WHRN: variants seen among roughly 807,000 people sequenced by gnomAD.
WHRN encodes CASK-interacting protein CIP98.
Under a neutral mutation model 68.3 loss-of-function variants are expected in WHRN, and 41 were observed. The observed-to-expected ratio is 0.60, with a 90% CI of 0.47 to 0.78. WHRN has a LOEUF of 0.78. Among genes scored for constraint, WHRN ranks in the 30% least tolerant of loss-of-function variants. The probability of loss-of-function intolerance (pLI) is 0.00; values close to 1 mark genes in which losing one functional copy is unlikely to be tolerated. For missense variants in WHRN, 1,243 were observed against 1,244.7 expected (o/e 1.00, Z 0.02); for synonymous variants, 560 against 561.3 (o/e 1.00, Z 0.03).
At chr9:114,434,096 CAG>C (rs1292320659) in intron 3 of WHRN, among the ~76,000 whole-genome samples, 1 of 151,768 alleles carries the variant, frequency 6.6e-6, no homozygotes, top group African/African-American at 2.4e-5. Context: ...CCAAAGTAAA[CAG>C]AGAAATTACA....
chr9:114,468,401 T>G (rs564843503), intron 2 of WHRN, among the ~76,000 whole-genome samples: 1 of 152,208 alleles, frequency 6.6e-6, no homozygotes, highest in South Asian at 2.1e-4. Flanking sequence ...ACTCTTTAAT[T>G]TGCTGCTTCT....
chr9:114,469,404 C>A (rs962636312), intron 2 of WHRN, among the ~76,000 whole-genome samples: 1 of 152,216 alleles, frequency 6.6e-6, no homozygotes, highest in Non-Finnish European at 1.5e-5. Flanking sequence ...GAGGAAAGAA[C>A]AAGGCCACCC....
At chr9:114,485,438 C>T (rs1342189553) in intron 1 of WHRN, among the ~76,000 whole-genome samples, 3 of 152,232 alleles carry the variant, frequency 2.0e-5, no homozygotes, top group Non-Finnish European at 4.4e-5. Context: ...GGCCTGCAAT[C>T]CCAGCACTTT....
rs528688419 is a variant in WHRN at position 114,468,527 on chromosome 9, G to A, written c.838-2135C>T. 2.1e-4 allele frequency among the ~76,000 whole-genome samples: 32 copies of A among 152,204 alleles called. No individual in the cohort carries two copies. The East Asian group carries it at 4.7e-3, about 22-fold the overall frequency. ...ATAGACAGTGACTCTCCAGGGTTTC[G>A]TTCCAAGATGGCAGACTCTGCGGTT... On this transcript the variant is annotated intron_variant, in intron 2 of 11. Coordinates refer to ENST00000362057, the MANE Select transcript of WHRN (RefSeq NM_015404.4).
rs760059965 is a variant in WHRN at position 114,424,346 on chromosome 9, G to A, written c.1404C>T (p.Asn468=). The stretch of plus-strand genomic sequence containing the variant: ...GGGCACGGGTCACCTTGGCGTGGGT[G>A]TTGAGCAGCTTGAACAGGGCCATGA... The part of the protein sequence containing the change: ...ALVMALFKLL[N]THAKFSLLSE... The change falls in exon 6 of 12, where the codon AAC becomes AAT. Residue 468 remains asparagine, a synonymous_variant. Coordinates refer to ENST00000362057, the MANE Select transcript of WHRN (RefSeq NM_015404.4). The A allele has an allele frequency of 6.2e-7, 1 of 1,612,294 alleles. No individual in the cohort carries two copies. The highest frequency in any genetic ancestry group is 8.5e-7 in the Non-Finnish European group (1 of 1,180,004).
At chr9:114,416,374 A>G (rs1367464347) in intron 7 of WHRN, among the ~76,000 whole-genome samples, 2 of 152,228 alleles carry the variant, frequency 1.3e-5, no homozygotes, top group Non-Finnish European at 2.9e-5. Context: ...TTGGCTATGT[A>G]TCCTCACCCA....
chr9:114,504,730 C>T lies in WHRN; in HGVS notation c.72G>A (p.Ala24=). ...GCAGCCCCGCGCCCCCGCCGCCGCCCGCCCCGGCCGCCGAGCCCAGCGAGC... is the reference window on the plus strand; with the variant it reads ...GCAGCCCCGCGCCCCCGCCGCCGCCTGCCCCGGCCGCCGAGCCCAGCGAGC... ...STGSLGSAAG[A]GGGGGAGLRL... The change falls in exon 1 of 12, where the codon GCG becomes GCA. Residue 24 remains alanine (A), a synonymous_variant. Coordinates refer to ENST00000362057, the MANE Select transcript of WHRN (RefSeq NM_015404.4). The T allele has an allele frequency of 6.6e-7, 1 of 1,507,246 alleles. No individual in the cohort carries two copies. Among genetic ancestry groups the T allele is most frequent in the Non-Finnish European group, 8.8e-7 (1 of 1,137,600 alleles). The allele number at this position is 1,507,246 out of a possible 1,614,324, so 93.4% of individuals were successfully genotyped here.
At chr9:114,482,506 G>A (rs1006458529) in intron 1 of WHRN, among the ~76,000 whole-genome samples, 4 of 152,088 alleles carry the variant, frequency 2.6e-5, no homozygotes, top group African/African-American at 9.7e-5. Context: ...CTGGGGAGAA[G>A]GACAATGCTC....
intron 3 of WHRN, among the ~76,000 whole-genome samples, chr9:114,432,718 T>C (rs1837528232): frequency 6.6e-6 from 1 of 152,224 alleles, no homozygotes; most frequent in Non-Finnish European, 1.5e-5. Context: ...GTCTGGCACA[T>C]AGTAGGTGCT....
chr9:114,421,951 G>A (rs1836328792), intron 7 of WHRN, among the ~76,000 whole-genome samples: 1 of 152,164 alleles, frequency 6.6e-6, no homozygotes, highest in African/African-American at 2.4e-5. Context: ...GGGTAAAAGA[G>A]TATAAAGGAA....
At chr9:114,411,763 C>T (rs1835454713) in intron 7 of WHRN, among the ~76,000 whole-genome samples, 1 of 152,178 alleles carries the variant, frequency 6.6e-6, no homozygotes, top group Non-Finnish European at 1.5e-5. Flanking sequence ...CTTGTCACAT[C>T]GATTACACCT....
chr9:114,499,016 T>C (rs758535984), intron 1 of WHRN, among the ~76,000 whole-genome samples: 14 of 152,218 alleles, frequency 9.2e-5, no homozygotes, highest in Non-Finnish European at 1.8e-4. Flanking sequence ...TGTGTCAATG[T>C]AGGTTCATCA....
At position 114,492,957 on chromosome 9, in the gene WHRN, C is replaced by T. The variant is rs1267242857; in HGVS notation, c.618+11227G>A. Among the ~76,000 whole-genome samples, 3 of 152,106 alleles carry T rather than the reference C, an allele frequency of 2.0e-5. No individual in the cohort carries two copies. In the East Asian group the frequency reaches 5.8e-4, roughly 29 times the overall value. On this transcript the variant is annotated intron_variant, in intron 1 of 11. Transcript: ENST00000362057. ...GCTTGAGCTTGGAAAGTTGAGGCTGCAGTGAGCCAGGATCGCATCACAGCA... is the reference window on the plus strand; with the variant it reads ...GCTTGAGCTTGGAAAGTTGAGGCTGTAGTGAGCCAGGATCGCATCACAGCA...
intron 3 of WHRN, among the ~76,000 whole-genome samples, chr9:114,453,285 G>A (rs1839497040): frequency 6.6e-6 from 1 of 152,054 alleles, no homozygotes; most frequent in African/African-American, 2.4e-5. Flanking sequence ...GCTCTCACAT[G>A]AACTAATAGA....
chr9:114,407,000 C>T, intron 8 of WHRN, 108 bp from the exon 9 acceptor site: 5 of 1,326,786 alleles, frequency 3.8e-6, no homozygotes, highest in South Asian at 2.5e-5. Flanking sequence ...TCTGTCCCCA[C>T]TCTAACTGCT....
At chr9:114,426,880 A>G (rs1267262468) in intron 3 of WHRN, among the ~76,000 whole-genome samples, 1 of 152,282 alleles carries the variant, frequency 6.6e-6, no homozygotes, top group Non-Finnish European at 1.5e-5. Context: ...ATCTACTAAA[A>G]GAAACAGCAA....
chr9:114,504,589 G>T lies in WHRN; in HGVS notation c.213C>A (p.Val71=). ...CGCGCAGGGTGCGCACCAGGTCGAA[G>T]ACGTTGCGGCGCGCGTGGTAAGCGT... ...CLNAYHARRN[V]FDLVRTLRVL... is the part of the protein sequence containing the mutation. Residue 71 remains valine (V), a synonymous_variant, in exon 1 of 12, where the codon GTC becomes GTA. Coordinates refer to ENST00000362057, the MANE Select transcript of WHRN (RefSeq NM_015404.4). 1 of 1,611,492 alleles carries T rather than the reference G, an allele frequency of 6.2e-7. No homozygotes were observed. The highest frequency in any genetic ancestry group is 2.2e-5 in the East Asian group (1 of 44,872).
chr9:114,439,633 CAT>C (rs199833031), intron 3 of WHRN, among the ~76,000 whole-genome samples: 2 of 85,038 alleles, frequency 2.4e-5, no homozygotes, highest in African/African-American at 3.0e-5. Flanking sequence ...TGTACACACA[CAT>C]AGATATATGT....
intron 1 of WHRN, among the ~76,000 whole-genome samples, chr9:114,479,563 G>A (rs1841938252): frequency 1.3e-5 from 2 of 152,208 alleles, no homozygotes; most frequent in Admixed American, 6.5e-5. Flanking sequence ...CAAGCACAGA[G>A]TCGACAGATA....
Sources: gnomAD v4.1 joint callset for allele counts (sites outside exome capture counted in the v4.1 genomes callset) on GRCh38, gnomAD v4.1.1 for gene constraint, MANE v1.5 for transcripts, NCBI Gene and HGNC (gene_info 2026-07-23, HGNC 2026-07-21) for gene names.